NANOS3: variants seen among roughly 807,000 people sequenced by gnomAD.
NANOS3 encodes nanos homolog 3.
In NANOS3, 11 loss-of-function variants were observed where a neutral mutation model predicts 13.8. That is an observed-to-expected ratio of 0.80 (90% CI 0.50 to 1.32). The LOEUF (loss-of-function observed/expected upper bound fraction) is 1.32. Among genes scored for constraint, NANOS3 ranks in the 40% most tolerant of loss-of-function variants. NANOS3 has a pLI of 0.00. For synonymous variants in NANOS3, 119 were observed against 115.4 expected, an observed-to-expected ratio of 1.03 and a Z score of -0.20; for missense variants, 221 against 263.8, an observed-to-expected ratio of 0.84 and a Z score of 1.12.
rs146783660 is a variant in NANOS3, at chr19:13,867,533, G to A, written n.21+2096G>A. Among the ~76,000 whole-genome samples, 856 of 151,956 alleles carry A rather than the reference G, an allele frequency of 5.6e-3. 6 individuals are homozygous for A. The highest frequency in any genetic ancestry group is 0.025 in the South Asian group (119 of 4,802). ...ACCCACCTCGGCTTCCCAGAGCGCC[G>A]AGCCACCATGCCTGGCCCAAATTTT... is the stretch of plus-strand genomic sequence containing the variant. On this transcript the variant is annotated intron_variant and non_coding_transcript_variant, in intron 1 of 2. Transcript: ENST00000591161.
At chr19:13,871,721 A>G (rs1427741375) in intron 1 of NANOS3, among the ~76,000 whole-genome samples, 1 of 152,210 alleles carries the variant, frequency 6.6e-6, no homozygotes, top group Non-Finnish European at 1.5e-5. Flanking sequence ...AAGAAGAAAG[A>G]TTCCTGTGGG....
chr19:13,863,753 G>A (rs933089911), upstream of NANOS3, among the ~76,000 whole-genome samples: 1 of 152,180 alleles, frequency 6.6e-6, no homozygotes, highest in Admixed American at 6.5e-5. Flanking sequence ...TGGTGGGGTT[G>A]GGGGTCGGGG....
intron 1 of NANOS3, among the ~76,000 whole-genome samples, chr19:13,868,840 G>A (rs548896234): frequency 3.3e-5 from 5 of 151,778 alleles, no homozygotes; most frequent in East Asian, 1.9e-4. Flanking sequence ...CTCACATGTC[G>A]ACCTGGAATT....
chr19:13,862,916 G>A (rs1012912241), upstream of NANOS3, among the ~76,000 whole-genome samples: 1 of 152,246 alleles, frequency 6.6e-6, no homozygotes, highest in Admixed American at 6.5e-5. Flanking sequence ...TCTGTGGAAA[G>A]GGCAGTATTC....
At chr19:13,867,090 G>A (rs184620401) in intron 1 of NANOS3, among the ~76,000 whole-genome samples, 53 of 152,116 alleles carry the variant, frequency 3.5e-4, no homozygotes, top group Admixed American at 3.4e-3. Flanking sequence ...ACAGGCGCGT[G>A]CCACCACACC....
upstream of NANOS3, among the ~76,000 whole-genome samples, chr19:13,876,686 C>T (rs917085032): frequency 1.5e-5 from 2 of 135,556 alleles, no homozygotes; most frequent in South Asian, 2.3e-4. Flanking sequence ...AGCAACCTCC[C>T]GCCTGGACAC....
chr19:13,874,686 C>T (rs367703315), upstream of NANOS3: 7 of 528,314 alleles, frequency 1.3e-5, no homozygotes, highest in Admixed American at 1.2e-4. Context: ...ACCCCACCCC[C>T]GACTCCAGGT....
intron 1 of NANOS3, among the ~76,000 whole-genome samples, chr19:13,869,706 A>T (rs1976294869): frequency 6.6e-6 from 1 of 151,278 alleles, no homozygotes; most frequent in Admixed American, 6.6e-5. Flanking sequence ...TTTGTCTGCC[A>T]GGTCCTGACG....
intron 1 of NANOS3, among the ~76,000 whole-genome samples, chr19:13,878,891 G>C (rs1268142965): frequency 1.3e-5 from 2 of 152,026 alleles, no homozygotes; most frequent in Non-Finnish European, 2.9e-5. Context: ...TAGGATTATA[G>C]GCGTGAGCCA....
Position 13,880,621 on chromosome 19 carries a change from G to A in NANOS3, c.*118G>A. On this transcript the variant is annotated 3_prime_UTR_variant, in exon 2 of 2. Coordinates refer to ENST00000339133, the MANE Select transcript of NANOS3 (RefSeq NM_001098622.3). The stretch of plus-strand genomic sequence containing the variant: ...CCCCCAGCCTGGGATTGAGCCCTGG[G>A]GATGACCCGGGGTTGGCAAGGGAAG... 1.2e-6 allele frequency: 1 copy of A among 858,678 alleles called. No homozygotes were observed. The highest frequency in any genetic ancestry group is 1.9e-6 in the Non-Finnish European group (1 of 526,960). 53.2% of individuals were successfully genotyped at this position (858,678 alleles called of 1,614,324 possible).
At chr19:13,872,724 A>T (rs1968418201), upstream of NANOS3, among the ~76,000 whole-genome samples, 1 of 152,170 alleles carries the variant, frequency 6.6e-6, no homozygotes, top group Non-Finnish European at 1.5e-5. Flanking sequence ...GAGGTGGCGG[A>T]TAAAGAGAAG....
upstream of NANOS3, chr19:13,874,614 GA>G (rs1473649606): frequency 3.7e-5 from 17 of 462,136 alleles, no homozygotes; most frequent in African/African-American, 3.0e-4. Context: ...TTTCATGAGA[GA>G]AAAGGGGTTC....
At position 13,877,445 on chromosome 19, in the gene NANOS3, G is replaced by T; in HGVS notation, c.197G>T (p.Ser66Ile). Residue 66 changes from serine (S) to isoleucine (I), a missense_variant, in exon 1 of 2, where the codon AGC becomes ATC. Coordinates refer to ENST00000339133, the MANE Select transcript of NANOS3 (RefSeq NM_001098622.3). ...PVPGPKDQKR[S>I]LESSPAPERL... ...CCGGGACCCAAGGATCAGAAGCGCA[G>T]CCTGGAGTCCTCGCCAGCTCCCGAA... The T allele has an allele frequency of 6.2e-7, 1 of 1,611,988 alleles. No individual in the cohort carries two copies. Among genetic ancestry groups the T allele is most frequent in the Non-Finnish European group, 8.5e-7 (1 of 1,179,988 alleles).
At position 13,877,346 on chromosome 19, in the gene NANOS3, A is replaced by C. The variant is rs2145080142; in HGVS notation, c.98A>C (p.Gln33Pro). ...GGTCCTGAAACCAGGCTGAGCCCCC[A>C]GCCAGAGCCAGAGCCAATGCTGGAG... ...KEGPETRLSP[Q>P]PEPEPMLEPV... The change falls in exon 1 of 2, where the codon CAG (glutamine) becomes CCG (proline). Residue 33 changes from glutamine to proline, a missense_variant. Physicochemically the swap from Gln to Pro is moderately conservative, Grantham distance 76. Coordinates refer to ENST00000339133, the MANE Select transcript of NANOS3 (RefSeq NM_001098622.3). The C allele has an allele frequency of 6.2e-7, 1 of 1,607,150 alleles. No homozygotes were observed.
At chr19:13,877,924 T>C (rs1260258073) in intron 1 of NANOS3, among the ~76,000 whole-genome samples, 159 bp downstream of exon 1, 2 of 152,222 alleles carry the variant, frequency 1.3e-5, no homozygotes, top group Non-Finnish European at 2.9e-5. Context: ...TATTTATTTA[T>C]CTTGAGACAG....
At chr19:13,869,290 G>A (rs752825775) in intron 1 of NANOS3, among the ~76,000 whole-genome samples, 9 of 151,974 alleles carry the variant, frequency 5.9e-5, no homozygotes, top group Admixed American at 1.3e-4. Flanking sequence ...TTGGGACTAC[G>A]GGCATGAGCC....
At chr19:13,872,672 G>A (rs529452976), upstream of NANOS3, among the ~76,000 whole-genome samples, 1 of 152,350 alleles carries the variant, frequency 6.6e-6, no homozygotes, top group African/African-American at 2.4e-5. Flanking sequence ...ACAAGGCAGG[G>A]GACCGGCCAC....
intron 1 of NANOS3, among the ~76,000 whole-genome samples, chr19:13,866,031 G>C (rs993496289): frequency 9.9e-5 from 15 of 152,106 alleles, no homozygotes; most frequent in African/African-American, 3.4e-4. Flanking sequence ...CCGCGGGCTG[G>C]GGGTGCTGCA....
chr19:13,866,318 C>T (rs1255026245), intron 1 of NANOS3, among the ~76,000 whole-genome samples: 1 of 151,382 alleles, frequency 6.6e-6, no homozygotes. Flanking sequence ...ACTGAGACGT[C>T]CCCCCCACGG....
Sources: gnomAD v4.1 joint callset for allele counts (sites outside exome capture counted in the v4.1 genomes callset) on GRCh38, gnomAD v4.1.1 for gene constraint, MANE v1.5 for transcripts, NCBI Gene and HGNC (gene_info 2026-07-23, HGNC 2026-07-21) for gene names.